PGAP1: variants seen among roughly 807,000 people sequenced by gnomAD.
The protein encoded by PGAP1 is GPI inositol-deacylase.
A neutral mutation model predicts 127.0 loss-of-function variants in PGAP1; 76 were observed. That is an observed-to-expected ratio of 0.60 (90% CI 0.50 to 0.72). The LOEUF is 0.72. Ranked by LOEUF, PGAP1 falls within the 30% of genes least tolerant of loss-of-function variation. The pLI, the probability that PGAP1 is intolerant of heterozygous loss-of-function variation, is 0.00. For synonymous variants in PGAP1, 362 were observed against 366.5 expected, an observed-to-expected ratio of 0.99 and a Z score of 0.14; for missense variants, 982 against 1,071.3, an observed-to-expected ratio of 0.92 and a Z score of 1.16.
At chr2:196,846,223 C>T (rs1700552082) in intron 22 of PGAP1, among the ~76,000 whole-genome samples, 1 of 152,096 alleles carries the variant, frequency 6.6e-6, no homozygotes, top group Non-Finnish European at 1.5e-5. Context: ...AACTCCTCTA[C>T]CATTTTGATA....
chr2:196,855,752 T>C (rs1343112006), intron 20 of PGAP1, among the ~76,000 whole-genome samples: 2 of 152,314 alleles, frequency 1.3e-5, no homozygotes, highest in East Asian at 3.9e-4. Context: ...AGTATTCTTA[T>C]GGCCGTATGA....
At chr2:196,869,570 G>C (rs60649927) in intron 19 of PGAP1, among the ~76,000 whole-genome samples, 1 of 152,106 alleles carries the variant, frequency 6.6e-6, no homozygotes, top group Non-Finnish European at 1.5e-5. Context: ...TCCTGACCTC[G>C]TGATCCATCC....
At position 196,847,850 on chromosome 2, in the gene PGAP1, C is replaced by T. The variant is rs530771328; in HGVS notation, c.1952+97G>A. On this transcript the variant is annotated intron_variant, in intron 21 of 26. Coordinates refer to ENST00000354764, the MANE Select transcript of PGAP1 (RefSeq NM_024989.4). ...CTCATTTAATGAAACAAGTCAACTG[C>T]CAAATCTGTATGAAAATTTATATTG... 142 of 920,054 alleles carry T rather than the reference C, an allele frequency of 1.5e-4. 1 individual carries two copies. The East Asian group carries it at 4.1e-3, about 27-fold the overall frequency. 57.0% of individuals were successfully genotyped at this position (920,054 alleles called of 1,614,324 possible).
At position 196,849,283 on chromosome 2, in the gene PGAP1, T is replaced by A. The variant is rs866164970; in HGVS notation, c.1862-1246A>T. Among the ~76,000 whole-genome samples, 13 of 145,142 alleles carry A rather than the reference T, an allele frequency of 9.0e-5. No individual in the cohort carries two copies. In the East Asian group the frequency reaches 9.8e-4, roughly 11 times the overall value. ...ATAATTTTTTTTTTTTTTTTTTTTT[T>A]ATAAAGAGTCTCATTCTGTCACCAG... On this transcript the variant is annotated intron_variant, in intron 20 of 26. Coordinates refer to ENST00000354764, the MANE Select transcript of PGAP1 (RefSeq NM_024989.4).
chr2:196,863,169 A>G (rs1317816167), intron 20 of PGAP1, among the ~76,000 whole-genome samples: 1 of 152,190 alleles, frequency 6.6e-6, no homozygotes, highest in Admixed American at 6.5e-5. Flanking sequence ...AGGTCCTTCA[A>G]AAAACTACAA....
intron 1 of PGAP1, among the ~76,000 whole-genome samples, chr2:196,924,545 T>C (rs1703309433): frequency 6.6e-6 from 1 of 152,122 alleles, no homozygotes; most frequent in African/African-American, 2.4e-5. Context: ...AAGAATACAA[T>C]ATAAATACTA....
intron 20 of PGAP1, among the ~76,000 whole-genome samples, chr2:196,849,974 TTA>T (rs1355665301): frequency 2.0e-5 from 3 of 152,308 alleles, no homozygotes; most frequent in Middle Eastern, 3.4e-3. Flanking sequence ...AGGCTGACTT[TTA>T]TAGACTGGCT....
At chr2:196,921,069 G>A (rs1703177034) in intron 1 of PGAP1, among the ~76,000 whole-genome samples, 1 of 151,482 alleles carries the variant, frequency 6.6e-6, no homozygotes, top group African/African-American at 2.4e-5. Context: ...GTCTATTTAG[G>A]TATACATAGA....
chr2:196,873,090 T>A (rs956011198), intron 16 of PGAP1, 64 bp from the exon 17 acceptor site: 5 of 566,120 alleles, frequency 8.8e-6, no homozygotes, highest in Non-Finnish European at 1.6e-5. Context: ...CATAAACTAC[T>A]ATAATATCTA....
At chr2:196,883,418 T>A (rs1701794538) in intron 12 of PGAP1, among the ~76,000 whole-genome samples, 1 of 152,186 alleles carries the variant, frequency 6.6e-6, no homozygotes, top group Admixed American at 6.5e-5. Context: ...CTTAGCAAAG[T>A]CCCTGTGACA....
intron 5 of PGAP1, among the ~76,000 whole-genome samples, chr2:196,901,304 T>A (rs893172771): frequency 6.6e-6 from 1 of 152,206 alleles, no homozygotes; most frequent in African/African-American, 2.4e-5. Context: ...TCTAGTTACA[T>A]GAAAATGGTG....
intron 10 of PGAP1, among the ~76,000 whole-genome samples, chr2:196,887,652 T>C (rs1035933513): frequency 6.6e-6 from 1 of 152,208 alleles, no homozygotes; most frequent in African/African-American, 2.4e-5. Flanking sequence ...AGGAATGATA[T>C]ACTAAGCCCT....
At chr2:196,842,042 T>C (rs536093053) in intron 26 of PGAP1, among the ~76,000 whole-genome samples, 1 of 149,730 alleles carries the variant, frequency 6.7e-6, no homozygotes, top group African/African-American at 2.4e-5. Context: ...ATTTTAACCC[T>C]ACTTATAAAA....
intron 7 of PGAP1, among the ~76,000 whole-genome samples, chr2:196,894,348 C>T (rs1702198462): frequency 6.6e-6 from 1 of 152,130 alleles, no homozygotes; most frequent in Admixed American, 6.5e-5. Flanking sequence ...AAATAGAATA[C>T]AGTTCTCTAG....
At chr2:196,905,216 C>G (rs12052882) in intron 4 of PGAP1, among the ~76,000 whole-genome samples, 1 of 152,064 alleles carries the variant, frequency 6.6e-6, no homozygotes, top group African/African-American at 2.4e-5. Flanking sequence ...TTAATCTATA[C>G]GGGTCATCTA....
At chr2:196,916,739 T>C in intron 2 of PGAP1, 146 bp from the exon 3 acceptor site, 1 of 716,378 alleles carries the variant, frequency 1.4e-6, no homozygotes, top group Non-Finnish European at 2.1e-6. Flanking sequence ...ATAGCACCAA[T>C]TTAGAACAAA....
chr2:196,872,337 T>C (rs572384782), intron 18 of PGAP1, 104 bp downstream of exon 18: 8 of 690,424 alleles, frequency 1.2e-5, no homozygotes, highest in Non-Finnish European at 1.2e-5. Context: ...ATTTTTTATA[T>C]GCATTGGCTT....
chr2:196,873,905 C>G (rs1044676180), intron 14 of PGAP1, 147 bp from the exon 15 acceptor site: 12 of 541,680 alleles, frequency 2.2e-5, no homozygotes, highest in Non-Finnish European at 3.6e-5. Flanking sequence ...TCCTAAAAAT[C>G]TAATCTCCCA....
At chr2:196,861,964 G>GT (rs1176473611) in intron 20 of PGAP1, among the ~76,000 whole-genome samples, 1 of 150,618 alleles carries the variant, frequency 6.6e-6, no homozygotes, top group Non-Finnish European at 1.5e-5. Context: ...TGTGATAATC[G>GT]TATTAACTGC....
Sources: gnomAD v4.1 joint callset for allele counts (sites outside exome capture counted in the v4.1 genomes callset) on GRCh38, gnomAD v4.1.1 for gene constraint, MANE v1.5 for transcripts, NCBI Gene and HGNC (gene_info 2026-07-23, HGNC 2026-07-21) for gene names.